The following PCDH7 variants were observed in gnomAD, a reference collection of about 807,000 sequenced individuals.
PCDH7 encodes the protein protocadherin 7.
In PCDH7, 17 loss-of-function variants were observed where a neutral mutation model predicts 58.9. That is an observed-to-expected ratio of 0.29 (90% CI 0.20 to 0.43). PCDH7 has a LOEUF of 0.43. Ranked by LOEUF, PCDH7 falls within the 20% of genes least tolerant of loss-of-function variation. The pLI is 1.00. For synonymous variants in PCDH7, 664 were observed against 616.4 expected (o/e 1.08, Z -1.14); for missense variants, 1,274 against 1,441.0 (o/e 0.88, Z 1.88).
At chr4:31,123,137 G>T (rs1400552210) in intron 3 of PCDH7, among the ~76,000 whole-genome samples, 2 of 151,966 alleles carry the variant, frequency 1.3e-5, no homozygotes, top group East Asian at 3.9e-4. Flanking sequence ...TTATTTAAAA[G>T]AAATGTATTT....
Position 30,731,595 on chromosome 4 carries a change from C to T in PCDH7, c.*807C>T, listed in dbSNP as rs559735504. ...TTGCTAAAGTCACTGTAGTCACATT[C>T]GGAAGGAATATGTGGCTTTCTGTTC... On this transcript the variant is annotated 3_prime_UTR_variant, in exon 2 of 2. Transcript: ENST00000361762. 4 of 152,100 alleles carry T rather than the reference C, an allele frequency of 2.6e-5. No individual in the cohort carries two copies. In the East Asian group the frequency reaches 5.8e-4, roughly 22 times the overall value. 9.4% of individuals were successfully genotyped at this position (152,100 alleles called of 1,614,324 possible).
rs1560541616 is a variant in PCDH7 at position 30,968,386 on chromosome 4, A to ACACACACAC, written c.*7+18171_*7+18172insCACACACAC. Among the ~76,000 whole-genome samples, 53 of 58,106 alleles carry ACACACACAC rather than the reference A, an allele frequency of 9.1e-4. 3 individuals carry two copies. The highest frequency in any genetic ancestry group is 5.7e-3 in the African/African-American group (48 of 8,434). 38.1% of individuals were successfully genotyped at this position (58,106 alleles called of 152,430 possible). On this transcript the variant is annotated intron_variant, in intron 3 of 3. Transcript: ENST00000509759. ...ATATATATACACACACTATATATAT[A>ACACACACAC]TATATATATATATATATATATATAT...
intron 3 of PCDH7, among the ~76,000 whole-genome samples, chr4:31,013,646 G>T (rs926676800): frequency 2.0e-5 from 3 of 151,486 alleles, no homozygotes; most frequent in Non-Finnish European, 4.4e-5. Flanking sequence ...GTTTCTCTGG[G>T]AGAGGAGACT....
intron 3 of PCDH7, among the ~76,000 whole-genome samples, chr4:31,075,837 G>A (rs1401205073): frequency 6.6e-6 from 1 of 151,864 alleles, no homozygotes; most frequent in Admixed American, 6.6e-5. Flanking sequence ...ACTTCACTGG[G>A]TCACTTTTTC....
chr4:30,905,880 T>A lies in PCDH7; in HGVS notation c.71-14273T>A, dbSNP rs1740854494. Among the ~76,000 whole-genome samples, 4 of 152,210 alleles carry A rather than the reference T, an allele frequency of 2.6e-5. No individual in the cohort carries two copies. In the South Asian group the frequency reaches 8.3e-4, roughly 31 times the overall value. ...AATTATACATTTTAGATAAATGAGA[T>A]CTTGCAGCCTTTTACACACAGTAGG... is the stretch of plus-strand genomic sequence containing the variant. On this transcript the variant is annotated intron_variant, in intron 1 of 3. Transcript: ENST00000509759.
intron 1 of PCDH7, among the ~76,000 whole-genome samples, chr4:30,834,137 C>T (rs574781271): frequency 6.6e-6 from 1 of 152,262 alleles, no homozygotes; most frequent in South Asian, 2.1e-4. Context: ...ACTTTTCCAA[C>T]TGCTTCACAG....
intron 3 of PCDH7, among the ~76,000 whole-genome samples, chr4:31,099,390 GA>G (rs903258464): frequency 6.6e-6 from 1 of 152,146 alleles, no homozygotes; most frequent in African/African-American, 2.4e-5. Context: ...ATATATTCAG[GA>G]AAATCCCAGG....
chr4:30,813,786 C>A (rs533909075), intron 1 of PCDH7, among the ~76,000 whole-genome samples: 2 of 152,218 alleles, frequency 1.3e-5, no homozygotes, highest in South Asian at 2.1e-4. Context: ...AGATTACAGG[C>A]GCCTGCCACC....
At chr4:30,748,343 GC>G (rs1446985840) in intron 1 of PCDH7, among the ~76,000 whole-genome samples, 4 of 152,250 alleles carry the variant, frequency 2.6e-5, no homozygotes, top group Admixed American at 2.0e-4. Flanking sequence ...GTAACAGAAT[GC>G]CACAGACTGG....
intron 1 of PCDH7, among the ~76,000 whole-genome samples, chr4:30,800,526 T>A (rs542504212): frequency 6.6e-6 from 1 of 152,292 alleles, no homozygotes; most frequent in South Asian, 2.1e-4. Flanking sequence ...ATATCTGTGT[T>A]TTCAAAGACC....
intron 1 of PCDH7, among the ~76,000 whole-genome samples, chr4:30,846,368 TC>T (rs1302003628): frequency 6.6e-6 from 1 of 152,048 alleles, no homozygotes; most frequent in Non-Finnish European, 1.5e-5. Context: ...GCCTCCTTGC[TC>T]CCCCTCTCTT....
At chr4:30,993,250 AT>A (rs938139403) in intron 3 of PCDH7, among the ~76,000 whole-genome samples, 1 of 152,154 alleles carries the variant, frequency 6.6e-6, no homozygotes, top group Admixed American at 6.5e-5. Context: ...TAGTTTCTAC[AT>A]TTCCCATGTA....
At chr4:31,012,984 A>G (rs751669944) in intron 3 of PCDH7, among the ~76,000 whole-genome samples, 11 of 148,576 alleles carry the variant, frequency 7.4e-5, no homozygotes, top group Non-Finnish European at 1.0e-4. Context: ...CACTGTGCCC[A>G]AGCCTGGGCA....
At position 30,837,071 on chromosome 4, in the gene PCDH7, G is replaced by T. The variant is rs150559980; in HGVS notation, c.71-83082G>T. Among the ~76,000 whole-genome samples the T allele has an allele frequency of 3.9e-3, 596 of 152,198 alleles. 5 individuals are homozygous for T. Among genetic ancestry groups the T allele is most frequent in the African/African-American group, 0.013 (542 of 41,536 alleles). On this transcript the variant is annotated intron_variant, in intron 1 of 3. Coordinates refer to the PCDH7 transcript ENST00000509759. ...TGACAGATACACGAAGTCTAGAGTG[G>T]TTAAGAGTGTAAGAACTGCATCTTG...
intron 2 of PCDH7, among the ~76,000 whole-genome samples, chr4:30,929,396 C>T (rs369154066): frequency 3.3e-5 from 5 of 151,934 alleles, no homozygotes; most frequent in South Asian, 4.2e-4. Context: ...ACTTAATATA[C>T]GCAGGTAGAT....
intron 3 of PCDH7, among the ~76,000 whole-genome samples, chr4:31,089,774 A>G (rs900317218): frequency 3.9e-5 from 6 of 152,112 alleles, no homozygotes; most frequent in African/African-American, 1.4e-4. Flanking sequence ...TAGGTAATGG[A>G]GAAGTAACAT....
At chr4:31,128,105 GTATA>G (rs1161989915) in intron 3 of PCDH7, among the ~76,000 whole-genome samples, 1 of 150,038 alleles carries the variant, frequency 6.7e-6, no homozygotes, top group Non-Finnish European at 1.5e-5. Context: ...GTATATATGT[GTATA>G]TATATACACA....
chr4:30,919,456 A>G (rs1185246103), intron 1 of PCDH7, among the ~76,000 whole-genome samples: 2 of 152,186 alleles, frequency 1.3e-5, no homozygotes, highest in Admixed American at 1.3e-4. Context: ...ACATGATTTT[A>G]CTTTATTGAA....
At chr4:30,733,815 A>G (rs1427432904), downstream of PCDH7, among the ~76,000 whole-genome samples, 1 of 152,216 alleles carries the variant, frequency 6.6e-6, no homozygotes, top group African/African-American at 2.4e-5. Context: ...AGAGTACTGA[A>G]AACATTTGAG....
Sources: allele counts gnomAD v4.1 joint callset (sites outside exome capture counted in the v4.1 genomes callset), GRCh38; gene constraint gnomAD v4.1.1; transcripts MANE v1.5; gene names NCBI Gene and HGNC (gene_info 2026-07-23, HGNC 2026-07-21).